Variants in SPIRE1 observed in about 807,000 individuals in gnomAD.
SPIRE1 encodes the protein protein spire homolog 1.
SPIRE1 carries 40 observed loss-of-function variants against 94.1 expected under a neutral mutation model. The ratio of observed to expected loss-of-function variants is 0.43; its 90% confidence interval spans 0.33 to 0.55. The LOEUF (loss-of-function observed/expected upper bound fraction) is 0.55. Among genes scored for constraint, SPIRE1 ranks in the 20% least tolerant of loss-of-function variants. The probability of loss-of-function intolerance (pLI) is 0.06; values close to 1 mark genes in which losing one functional copy is unlikely to be tolerated. For missense variants in SPIRE1, 838 were observed against 975.2 expected, an observed-to-expected ratio of 0.86 and a Z score of 1.87; for synonymous variants, 376 against 371.7, an observed-to-expected ratio of 1.01 and a Z score of -0.13.
At chr18:12,541,723 G>T (rs2035019317) in intron 3 of SPIRE1, among the ~76,000 whole-genome samples, 1 of 151,942 alleles carries the variant, frequency 6.6e-6, no homozygotes. Context: ...AACAATGTAT[G>T]ATTGGATTTT....
chr18:12,466,295 G>A (rs1453411911), intron 10 of SPIRE1, among the ~76,000 whole-genome samples: 1 of 151,646 alleles, frequency 6.6e-6, no homozygotes, highest in African/African-American at 2.4e-5. Flanking sequence ...ATATATTTTT[G>A]AGACGGAGTC....
intron 4 of SPIRE1, among the ~76,000 whole-genome samples, chr18:12,532,270 G>A (rs1436087260): frequency 1.3e-5 from 2 of 152,204 alleles, no homozygotes; most frequent in African/African-American, 4.8e-5. Flanking sequence ...GCCAGGTTCA[G>A]TAAATGCACT....
At chr18:12,478,411 GTGTGTGTGTGAAGCGAGGGTGTGTA>G (rs1482964604) in intron 10 of SPIRE1, among the ~76,000 whole-genome samples, 1 of 150,568 alleles carries the variant, frequency 6.6e-6, no homozygotes, top group African/African-American at 2.4e-5. Context: ...TGTAGCTAGG[GTGTGTGTGTGAAGCGAGGGTGTGTA>G]TGTGTGTGTG....
intron 2 of SPIRE1, among the ~76,000 whole-genome samples, chr18:12,609,251 A>G (rs1253768733): frequency 6.6e-6 from 1 of 152,172 alleles, no homozygotes; most frequent in Admixed American, 6.5e-5. Context: ...CAAACGGTAC[A>G]CAAATATTTT....
intron 7 of SPIRE1, 125 bp from the exon 8 acceptor site, chr18:12,493,326 T>C: frequency 1.2e-6 from 1 of 865,388 alleles, no homozygotes; most frequent in Non-Finnish European, 1.7e-6. Flanking sequence ...AAAAGATTAC[T>C]TTCAAGTCAT....
At chr18:12,487,854 G>T (rs2033095112) in intron 8 of SPIRE1, among the ~76,000 whole-genome samples, 1 of 152,164 alleles carries the variant, frequency 6.6e-6, no homozygotes, top group African/African-American at 2.4e-5. Flanking sequence ...GGTTATTGCA[G>T]AGATGTGATG....
chr18:12,624,830 T>G (rs1179751128), intron 2 of SPIRE1, among the ~76,000 whole-genome samples: 2 of 54,742 alleles, frequency 3.7e-5, no homozygotes, highest in South Asian at 6.9e-4. Flanking sequence ...AGACTCCATC[T>G]CAAAAAAAAA....
intron 10 of SPIRE1, among the ~76,000 whole-genome samples, chr18:12,471,729 T>TTTA (rs1276396962): frequency 1.3e-5 from 2 of 152,222 alleles, no homozygotes; most frequent in Non-Finnish European, 2.9e-5. Context: ...CAAATCTAAC[T>TTTA]TTATCATTTA....
Position 12,573,731 on chromosome 18 carries a change from TTTTAA to T in SPIRE1, c.373-26832_373-26828del, listed in dbSNP as rs1351206673. 1.3e-4 allele frequency among the ~76,000 whole-genome samples: 18 copies of T among 141,962 alleles called. No individual in the cohort carries two copies. The South Asian group carries it at 3.8e-3, about 30-fold the overall frequency. 93.1% of individuals were successfully genotyped at this position (141,962 alleles called of 152,430 possible). ...AAGTGAACCCTTATGTACTATTGAC[TTTTAA>T]TTTTTCTTTTTTTTTTCCTTTGAGA... On this transcript the variant is annotated intron_variant, in intron 2 of 16. Coordinates refer to ENST00000409402, the MANE Select transcript of SPIRE1 (RefSeq NM_001128626.2).
At chr18:12,452,538 T>C (rs773568866) in intron 14 of SPIRE1, 26 bp from the exon 15 acceptor site, 36 of 1,613,504 alleles carry the variant, frequency 2.2e-5, no homozygotes, top group Non-Finnish European at 2.8e-5. Flanking sequence ...TAAATGTTAT[T>C]TGGCATGATA....
At chr18:12,474,246 T>C (rs183142285) in intron 10 of SPIRE1, among the ~76,000 whole-genome samples, 46 of 152,304 alleles carry the variant, frequency 3.0e-4, no homozygotes, top group African/African-American at 1.0e-3. Context: ...GTGGGCTTCA[T>C]TACAGAGAGT....
At chr18:12,617,442 C>T (rs149934821) in intron 2 of SPIRE1, among the ~76,000 whole-genome samples, 1,604 of 151,832 alleles carry the variant, frequency 0.011, 20 homozygotes, top group Middle Eastern at 0.031. Context: ...GACAGAGTTT[C>T]GCTTTTTTGT....
In SPIRE1 at chr18:12,493,376, A is replaced by G. The variant is rs28566847; in HGVS notation, c.1060-175T>C. On this transcript the variant is annotated intron_variant, in intron 7 of 16. Coordinates refer to ENST00000409402, the MANE Select transcript of SPIRE1 (RefSeq NM_001128626.2). ...CCTAAAGCAATAGGGAGATTACTGG[A>G]TATCAGAGTGATTTGGTTATACATT... Among the ~76,000 whole-genome samples, 803 of 152,270 alleles carry G rather than the reference A, an allele frequency of 5.3e-3. 7 individuals carry two copies. The highest frequency in any genetic ancestry group is 0.018 in the African/African-American group (763 of 41,542).
intron 2 of SPIRE1, among the ~76,000 whole-genome samples, chr18:12,616,762 G>T (rs956916898): frequency 6.6e-6 from 1 of 152,164 alleles, no homozygotes; most frequent in African/African-American, 2.4e-5. Flanking sequence ...AAAAGCTCAG[G>T]TTCTGTCATC....
intron 2 of SPIRE1, among the ~76,000 whole-genome samples, chr18:12,626,343 C>T (rs1034841499): frequency 6.6e-6 from 1 of 152,076 alleles, no homozygotes; most frequent in African/African-American, 2.4e-5. Flanking sequence ...TCCCCTAAAG[C>T]AGATTTGACT....
At chr18:12,591,968 CAAAAAAAA>C (rs35668057) in intron 2 of SPIRE1, among the ~76,000 whole-genome samples, 6 of 67,432 alleles carry the variant, frequency 8.9e-5, no homozygotes, top group Non-Finnish European at 1.4e-4. Flanking sequence ...GACTCCATCT[CAAAAAAAA>C]AAAAAAAAAA....
At position 12,465,016 on chromosome 18, in the gene SPIRE1, G is replaced by A. The variant is rs796367110; in HGVS notation, c.1405-58C>T. The A allele has an allele frequency of 3.3e-5, 47 of 1,405,378 alleles. No individual in the cohort carries two copies. In the South Asian group the frequency reaches 3.5e-4, roughly 10 times the overall value. 87.1% of individuals were successfully genotyped at this position (1,405,378 alleles called of 1,614,324 possible). A position where few individuals can be genotyped will look rare whatever the true frequency, so the allele number is the denominator to read the frequency against. On this transcript the variant is annotated intron_variant, in intron 10 of 16. Transcript: ENST00000409402. Reference sequence around the variant, plus strand: ...TTAGACATTTGTGCTCTAGTGCTACGTAATAACATTTTATTATTAAACAGT... The same window carrying A: ...TTAGACATTTGTGCTCTAGTGCTACATAATAACATTTTATTATTAAACAGT...
At position 12,658,020 on chromosome 18, in the gene SPIRE1, C is replaced by A; in HGVS notation, c.-154G>T. The A allele has an allele frequency of 1.0e-6, 1 of 992,976 alleles. No individual in the cohort carries two copies. The highest frequency in any genetic ancestry group is 1.2e-6 in the Non-Finnish European group (1 of 836,138). The allele number at this position is 992,976 out of a possible 1,614,324, so 61.5% of individuals were successfully genotyped here. A position where few individuals can be genotyped will look rare whatever the true frequency, so the allele number is the denominator to read the frequency against. Reference sequence around the variant, plus strand: ...CCGCCGCCGGGACCAGGCGAGTGCCCGGGAGGCGTGGGCAAGAGGAGGGCG... The same window carrying A: ...CCGCCGCCGGGACCAGGCGAGTGCCAGGGAGGCGTGGGCAAGAGGAGGGCG... On this transcript the variant is annotated 5_prime_UTR_variant, in exon 1 of 17. Coordinates refer to ENST00000409402, the MANE Select transcript of SPIRE1 (RefSeq NM_001128626.2).
intron 2 of SPIRE1, among the ~76,000 whole-genome samples, chr18:12,553,028 C>T: frequency 6.6e-6 from 1 of 152,134 alleles, no homozygotes. Context: ...GGATTCATCA[C>T]CTGCTGACTA....
Sources: gnomAD v4.1 joint callset for allele counts (sites outside exome capture counted in the v4.1 genomes callset) on GRCh38, gnomAD v4.1.1 for gene constraint, MANE v1.5 for transcripts, NCBI Gene and HGNC (gene_info 2026-07-23, HGNC 2026-07-21) for gene names.